The following CES4A variants were observed in gnomAD, a reference collection of about 807,000 sequenced individuals.
CES4A encodes carboxylesterase 6.
Under a neutral mutation model 65.4 loss-of-function variants are expected in CES4A, and 48 were observed. The observed-to-expected ratio is 0.73, with a 90% CI of 0.58 to 0.93. The LOEUF is 0.93. Ranked by LOEUF, CES4A falls within the 40% of genes least tolerant of loss-of-function variation. The pLI is 0.00. For missense variants in CES4A, 685 were observed against 728.5 expected (o/e 0.94, Z 0.69); for synonymous variants, 247 against 281.8 (o/e 0.88, Z 1.24).
In CES4A at chr16:67,003,008, C is replaced by T; in HGVS notation, c.691-62C>T. The T allele has an allele frequency of 7.0e-7, 1 of 1,430,920 alleles. No individual in the cohort carries two copies. The highest frequency in any genetic ancestry group is 9.9e-7 in the Non-Finnish European group (1 of 1,013,838). The allele number at this position is 1,430,920 out of a possible 1,614,324, so 88.6% of individuals were successfully genotyped here. On this transcript the variant is annotated intron_variant, in intron 5 of 13. Transcript: ENST00000648724. The surrounding 1 kb of genome is among the most constrained non-coding windows in gnomAD (Gnocchi z 4.2). ...GCCTGCCCATGGCCAGACAGATGCCCAGAACAGCCCAGGTGTCTCTACTTG... is the reference window on the plus strand; with the variant it reads ...GCCTGCCCATGGCCAGACAGATGCCTAGAACAGCCCAGGTGTCTCTACTTG...
In CES4A at chr16:67,001,473, G is replaced by A; in HGVS notation, c.690+12G>A. 6.3e-7 allele frequency: 1 copy of A among 1,589,238 alleles called. No individual in the cohort carries two copies. Among genetic ancestry groups the A allele is most frequent in the Non-Finnish European group, 8.6e-7 (1 of 1,168,062 alleles). On this transcript the variant is annotated intron_variant, in intron 5 of 13. Transcript: ENST00000648724. This position sits in a 1 kb window ranked among gnomAD's most constrained non-coding sequence, Gnocchi z 4.1. Reference sequence around the variant, plus strand: ...GCATCTCAGGACTGGTGAGAGCAATGCCCAGACGGACCGAGCACAGACTTA... The same window carrying A: ...GCATCTCAGGACTGGTGAGAGCAATACCCAGACGGACCGAGCACAGACTTA...
In CES4A at chr16:67,001,377, G is replaced by C; in HGVS notation, c.606G>C (p.Gln202His). 6.2e-7 allele frequency: 1 copy of C among 1,613,714 alleles called. No homozygotes were observed. The highest frequency in any genetic ancestry group is 1.1e-5 in the South Asian group (1 of 91,082). Residue 202 changes from glutamine to histidine, a missense_variant, in exon 5 of 14, where the codon CAG becomes CAC. Transcript: ENST00000648724. This position sits in a 1 kb window ranked among gnomAD's most constrained non-coding sequence, Gnocchi z 4.1. ...AGATGGCGGCTCTGCGCTGGGTGCAGGAGAACATCGCAGCCTTCGGGGGAG... is the reference window on the plus strand; with the variant it reads ...AGATGGCGGCTCTGCGCTGGGTGCACGAGAACATCGCAGCCTTCGGGGGAG...
At chr16:66,994,860 C>G (rs566951966) in intron 1 of CES4A, among the ~76,000 whole-genome samples, 1 of 141,170 alleles carries the variant, frequency 7.1e-6, no homozygotes, top group East Asian at 2.2e-4. Context: ...AAAAATTAGC[C>G]AGGCGCGGTG....
Sources: allele counts gnomAD v4.1 joint callset (sites outside exome capture counted in the v4.1 genomes callset), GRCh38; gene constraint gnomAD v4.1.1; non-coding constraint Gnocchi (gnomAD v3.1); transcripts MANE v1.5; gene names NCBI Gene and HGNC (gene_info 2026-07-23, HGNC 2026-07-21).